C6: variants seen among roughly 807,000 people sequenced by gnomAD.
The protein encoded by C6 is complement C6.
C6 carries 101 observed loss-of-function variants against 112.9 expected under a neutral mutation model. The ratio of observed to expected loss-of-function variants is 0.89; its 90% CI spans 0.76 to 1.06. The LOEUF (loss-of-function observed/expected upper bound fraction) is 1.06, where lower values mean the gene tolerates loss of function less well. C6 is among the 50% of genes least tolerant of loss of function. The pLI is 0.00. For missense variants in C6, 1,202 were observed against 1,104.6 expected (o/e 1.09, Z -1.25); for synonymous variants, 431 against 384.1 (o/e 1.12, Z -1.43).
intron 8 of C6, 36 bp downstream of exon 8, chr5:41,176,439 T>C (rs375717667): frequency 4.9e-5 from 79 of 1,606,546 alleles, no homozygotes; most frequent in Non-Finnish European, 5.4e-5. Context: ...CATGCTATCA[T>C]ACCAGTTAAA....
At chr5:41,180,194 G>A (rs1015733107) in intron 7 of C6, among the ~76,000 whole-genome samples, 4 of 152,200 alleles carry the variant, frequency 2.6e-5, no homozygotes, top group South Asian at 4.1e-4. Context: ...AGAGCAATAC[G>A]ATAAAAGTAG....
chr5:41,250,624 C>G (rs1172625770), intron 1 of C6, among the ~76,000 whole-genome samples: 1 of 152,144 alleles, frequency 6.6e-6, no homozygotes, highest in Non-Finnish European at 1.5e-5. Flanking sequence ...ACTATACACA[C>G]TATATAAAGT....
chr5:41,220,848 C>A (rs1158053184), intron 1 of C6, among the ~76,000 whole-genome samples: 5 of 151,874 alleles, frequency 3.3e-5, no homozygotes, highest in Non-Finnish European at 7.4e-5. Context: ...CCAGCCTTTT[C>A]CCTACTCCTT....
At chr5:41,211,042 G>C (rs1580203939) in intron 1 of C6, among the ~76,000 whole-genome samples, 1 of 152,146 alleles carries the variant, frequency 6.6e-6, no homozygotes, top group Non-Finnish European at 1.5e-5. Context: ...ATACACCATG[G>C]AATACTATGT....
chr5:41,143,003 G>A lies in C6; in HGVS notation c.2627C>T (p.Ser876Phe), dbSNP rs1274745629. 6.2e-7 allele frequency: 1 copy of A among 1,613,232 alleles called. No individual in the cohort carries two copies. The highest frequency in any genetic ancestry group is 8.5e-7 in the Non-Finnish European group (1 of 1,179,434). ...TCYDWEKCSA[S>F]TSKCVCLLPP... ...CAATAGGCAGACACATTTGGAAGTG[G>A]AGGCTGTAATGAGAGAGAGAGAGAC... is the stretch of plus-strand genomic sequence containing the variant. Residue 876 changes from serine (S) to phenylalanine (F), a missense_variant, in exon 18 of 18, where the codon TCC (serine) becomes TTC (phenylalanine). Transcript: ENST00000337836.
At chr5:41,228,955 G>T (rs957214242) in intron 1 of C6, among the ~76,000 whole-genome samples, 2 of 152,046 alleles carry the variant, frequency 1.3e-5, no homozygotes, top group Non-Finnish European at 2.9e-5. Flanking sequence ...TTTGCACTTA[G>T]GCTAATGCTT....
chr5:41,257,483 G>A (rs1741791265), intron 1 of C6, among the ~76,000 whole-genome samples: 1 of 152,008 alleles, frequency 6.6e-6, no homozygotes, highest in Non-Finnish European at 1.5e-5. Context: ...ATGAACATAT[G>A]AATACATGTA....
chr5:41,229,516 ATAT>A (rs1341247457), intron 1 of C6, among the ~76,000 whole-genome samples: 2 of 151,860 alleles, frequency 1.3e-5, no homozygotes, highest in African/African-American at 4.8e-5. Context: ...TTCTAGTTTC[ATAT>A]TATTGTGATC....
chr5:41,246,807 G>A (rs1741049778), intron 1 of C6, among the ~76,000 whole-genome samples: 1 of 152,182 alleles, frequency 6.6e-6, no homozygotes, highest in Admixed American at 6.5e-5. Context: ...GGACTAAAAT[G>A]ATGACTGTAT....
intron 1 of C6, among the ~76,000 whole-genome samples, chr5:41,253,378 C>T (rs1185276715): frequency 6.6e-6 from 1 of 152,122 alleles, no homozygotes; most frequent in Non-Finnish European, 1.5e-5. Flanking sequence ...ATTTTTATCT[C>T]ATAAATCTCT....
intron 9 of C6, among the ~76,000 whole-genome samples, chr5:41,164,164 T>C (rs1747780502): frequency 6.6e-6 from 1 of 150,772 alleles, no homozygotes. Flanking sequence ...AGAAAGGAAA[T>C]TAAAAAGACC....
intron 1 of C6, among the ~76,000 whole-genome samples, chr5:41,239,018 C>T (rs1426295923): frequency 1.3e-5 from 2 of 151,350 alleles, no homozygotes; most frequent in Admixed American, 6.6e-5. Flanking sequence ...GTAAATGTAA[C>T]ATTTTGTTAC....
At chr5:41,229,759 C>A (rs1739769134) in intron 1 of C6, among the ~76,000 whole-genome samples, 1 of 152,106 alleles carries the variant, frequency 6.6e-6, no homozygotes, top group Admixed American at 6.6e-5. Flanking sequence ...AATGTAGTTA[C>A]TGTTAACAGT....
chr5:41,230,093 A>G (rs924293417), intron 1 of C6, among the ~76,000 whole-genome samples: 2 of 152,048 alleles, frequency 1.3e-5, no homozygotes, highest in Non-Finnish European at 2.9e-5. Flanking sequence ...CTTTACTTTA[A>G]TCTCATAATC....
intron 9 of C6, among the ~76,000 whole-genome samples, chr5:41,162,228 T>C (rs867299820): frequency 3.9e-5 from 6 of 152,202 alleles, no homozygotes; most frequent in Non-Finnish European, 7.3e-5. Context: ...GATGCAAATA[T>C]AGCCCAGTCC....
intron 13 of C6, among the ~76,000 whole-genome samples, chr5:41,157,858 TCC>T (rs1747066001): frequency 6.6e-6 from 1 of 152,112 alleles, no homozygotes; most frequent in Non-Finnish European, 1.5e-5. Flanking sequence ...AAATATTTCC[TCC>T]CCATAAACTT....
chr5:41,183,179 A>G (rs905403058), intron 6 of C6, among the ~76,000 whole-genome samples: 87 of 152,340 alleles, frequency 5.7e-4, no homozygotes, highest in African/African-American at 2.0e-3. Context: ...CACAGTGGCA[A>G]ATTACAAAGT....
chr5:41,145,900 A>G (rs899149623), intron 17 of C6, among the ~76,000 whole-genome samples: 4 of 152,062 alleles, frequency 2.6e-5, no homozygotes, highest in African/African-American at 9.7e-5. Context: ...TTGCTTAATT[A>G]TTTTCAGAAC....
intron 1 of C6, among the ~76,000 whole-genome samples, chr5:41,242,435 C>A (rs912418799): frequency 4.6e-5 from 7 of 152,148 alleles, no homozygotes; most frequent in Non-Finnish European, 1.0e-4. Flanking sequence ...AACTGTGAGT[C>A]AATTAAACCT....
Sources: gnomAD v4.1 joint callset for allele counts (sites outside exome capture counted in the v4.1 genomes callset) on GRCh38, gnomAD v4.1.1 for gene constraint, MANE v1.5 for transcripts, NCBI Gene and HGNC (gene_info 2026-07-23, HGNC 2026-07-21) for gene names.